Variants in MTMR8 observed in about 807,000 individuals in gnomAD.
The protein encoded by MTMR8 is myotubularin related protein 8, also known as phosphatidylinositol-3,5-bisphosphate 3-phosphatase MTMR8.
In MTMR8, 65 loss-of-function variants were observed where a neutral mutation model predicts 39.3. The observed-to-expected ratio is 1.65, with a 90% CI of 1.35 to 2.03. The LOEUF is 2.03. Ranked by LOEUF, MTMR8 falls within the 30% of genes most tolerant of loss-of-function variation. MTMR8 has a pLI of 0.00. For synonymous variants in MTMR8, 245 were observed against 185.2 expected (o/e 1.32, Z -2.62); for missense variants, 777 against 538.9 (o/e 1.44, Z -4.37).
intron 12 of MTMR8, among the ~76,000 whole-genome samples, chrX:64,288,994 G>A (rs186026747): frequency 4.7e-4 from 51 of 109,658 alleles, no homozygotes; most frequent in African/African-American, 1.6e-3. Context: ...TTGTGCACAT[G>A]TACCCTAGAA....
At chrX:64,280,078 C>G (rs1169342035) in intron 12 of MTMR8, among the ~76,000 whole-genome samples, 1 of 111,764 alleles carries the variant, frequency 8.9e-6, no homozygotes, top group Non-Finnish European at 1.9e-5. Context: ...CTAAAAAAAG[C>G]CCAGGACCAG....
At chrX:64,362,581 A>G (rs758207616) in intron 1 of MTMR8, among the ~76,000 whole-genome samples, 21 of 108,015 alleles carry the variant, frequency 1.9e-4, no homozygotes, top group Non-Finnish European at 3.5e-4. Context: ...TAGAGCATAA[A>G]CATGGCACTA....
At position 64,270,956 on chromosome X, in the gene MTMR8, T is replaced by A; in HGVS notation, c.1599A>T (p.Glu533Asp). The A allele has an allele frequency of 8.3e-7, 1 of 1,209,092 alleles. No individual in the cohort carries two copies. The highest frequency in any genetic ancestry group is 1.1e-6 in the Non-Finnish European group (1 of 894,515). Residue 533 changes from glutamate (E) to aspartate (D), a missense_variant, in exon 13 of 14, where the codon GAA (glutamate) becomes GAT (aspartate). By Grantham distance (45) the Glu-to-Asp change is conservative. Coordinates refer to ENST00000374852, the MANE Select transcript of MTMR8 (RefSeq NM_017677.4). ...QRAMLETDVH[E>D]LEKKLKVRDE... Reference sequence around the variant, plus strand: ...GGACTTTTCTCCTCACCTTTTCTAGTTCATGCACATCTGTCTCCAGCATTG... The same window carrying A: ...GGACTTTTCTCCTCACCTTTTCTAGATCATGCACATCTGTCTCCAGCATTG...
At chrX:64,359,817 C>A (rs1486599251) in intron 1 of MTMR8, among the ~76,000 whole-genome samples, 1 of 107,919 alleles carries the variant, frequency 9.3e-6, no homozygotes, top group Non-Finnish European at 1.9e-5. Flanking sequence ...TGAGAGCCTG[C>A]TGAGGTACTT....
At chrX:64,319,675 GCTT>G (rs982968646) in intron 12 of MTMR8, among the ~76,000 whole-genome samples, 13 of 111,470 alleles carry the variant, frequency 1.2e-4, no homozygotes, top group African/African-American at 3.6e-4. Flanking sequence ...TTTCCCCATT[GCTT>G]TTTTTTGTCA....
At chrX:64,274,137 T>C (rs1931823419) in intron 12 of MTMR8, among the ~76,000 whole-genome samples, 1 of 111,466 alleles carries the variant, frequency 9.0e-6, no homozygotes, top group South Asian at 3.8e-4. Context: ...TTCAACCCAA[T>C]AACAGTACAA....
intron 12 of MTMR8, among the ~76,000 whole-genome samples, chrX:64,322,271 A>G (rs960907642): frequency 5.4e-5 from 6 of 110,989 alleles, no homozygotes; most frequent in Non-Finnish European, 1.1e-4. Context: ...TGATGGGATT[A>G]CAGGTGTGAG....
intron 12 of MTMR8, among the ~76,000 whole-genome samples, chrX:64,316,445 A>T (rs779469091): frequency 1.8e-5 from 2 of 111,635 alleles, no homozygotes; most frequent in East Asian, 5.7e-4. Flanking sequence ...TCAGGAGTTC[A>T]AGACCAGCCT....
At chrX:64,366,140 C>T (rs1289809781) in intron 1 of MTMR8, among the ~76,000 whole-genome samples, 3 of 111,440 alleles carry the variant, frequency 2.7e-5, no homozygotes, top group East Asian at 2.8e-4. Flanking sequence ...CACTTAGACT[C>T]GCACACAATA....
At chrX:64,341,444 A>C (rs191820720) in intron 8 of MTMR8, among the ~76,000 whole-genome samples, 44 of 99,297 alleles carry the variant, frequency 4.4e-4, no homozygotes, top group South Asian at 2.0e-3. Context: ...GTGCCACTGC[A>C]CTCCAGCCTG....
At chrX:64,301,681 T>C (rs1459616169) in intron 12 of MTMR8, among the ~76,000 whole-genome samples, 6 of 111,558 alleles carry the variant, frequency 5.4e-5, no homozygotes, top group African/African-American at 2.0e-4. Context: ...AGTTTTTCTG[T>C]TCTGTTTTTT....
At chrX:64,372,110 C>T (rs1011048944) in intron 1 of MTMR8, among the ~76,000 whole-genome samples, 15 of 106,642 alleles carry the variant, frequency 1.4e-4, no homozygotes, top group African/African-American at 5.1e-4. Flanking sequence ...TGGGGTAATC[C>T]TTAATGTTAA....
chrX:64,317,828 C>CCCCAAACTGG (rs1922513777), intron 12 of MTMR8, among the ~76,000 whole-genome samples: 1 of 112,169 alleles, frequency 8.9e-6, no homozygotes, highest in African/African-American at 3.2e-5. Context: ...CTCATTATTG[C>CCCCAAACTGG]CAGGTGGGAA....
chrX:64,348,561 C>T, intron 6 of MTMR8, 99 bp downstream of exon 6: 1 of 1,040,507 alleles, frequency 9.6e-7, no homozygotes, highest in Non-Finnish European at 1.3e-6. Context: ...AACACACATA[C>T]ACAAACCTAA....
chrX:64,359,550 T>G lies in MTMR8; in HGVS notation c.25-23A>C, dbSNP rs377310203. The G allele has an allele frequency of 1.6e-4, 184 of 1,184,424 alleles. 1 individual carries two copies. Among genetic ancestry groups the G allele is most frequent in the Admixed American group, 2.2e-4 (10 of 44,552 alleles). ...TACCTGTTATTGGAGGAAAAAATACTGAATAAGTTACCAACTCACCACCTA... is the reference window on the plus strand; with the variant it reads ...TACCTGTTATTGGAGGAAAAAATACGGAATAAGTTACCAACTCACCACCTA... On this transcript the variant is annotated intron_variant, in intron 1 of 13. Coordinates refer to ENST00000374852, the MANE Select transcript of MTMR8 (RefSeq NM_017677.4).
intron 1 of MTMR8, among the ~76,000 whole-genome samples, chrX:64,380,743 C>G (rs760225482): frequency 5.0e-4 from 56 of 111,457 alleles, no homozygotes; most frequent in African/African-American, 1.8e-3. Flanking sequence ...ATCCCTCCCC[C>G]CTCCTTCCAC....
At chrX:64,293,046 C>G (rs771540033) in intron 12 of MTMR8, among the ~76,000 whole-genome samples, 25 of 111,276 alleles carry the variant, frequency 2.2e-4, no homozygotes, top group Non-Finnish European at 4.7e-4. Flanking sequence ...CAAAGATCTC[C>G]TACATCAGCT....
At chrX:64,301,259 G>A (rs1326474266) in intron 12 of MTMR8, among the ~76,000 whole-genome samples, 1 of 107,035 alleles carries the variant, frequency 9.3e-6, no homozygotes, top group South Asian at 4.2e-4. Context: ...CATATTTCTT[G>A]GAGGCTTTGC....
chrX:64,302,275 G>A (rs764677363), intron 12 of MTMR8, among the ~76,000 whole-genome samples: 19 of 112,589 alleles, frequency 1.7e-4, no homozygotes, highest in African/African-American at 5.5e-4. Context: ...ATGGTGCGCC[G>A]TTTTTTAAGC....
Sources: gnomAD v4.1 joint callset for allele counts (sites outside exome capture counted in the v4.1 genomes callset) on GRCh38, gnomAD v4.1.1 for gene constraint, MANE v1.5 for transcripts, NCBI Gene and HGNC (gene_info 2026-07-23, HGNC 2026-07-21) for gene names.